Variants in CYB561 observed in about 807,000 individuals in gnomAD.
CYB561 encodes the protein cytochrome b561.
CYB561 carries 11 observed loss-of-function variants against 25.3 expected under a neutral mutation model. That is an observed-to-expected ratio of 0.44 (90% CI 0.27 to 0.72). The LOEUF is 0.72. Among genes scored for constraint, CYB561 ranks in the 30% least tolerant of loss-of-function variants. The probability of loss-of-function intolerance (pLI) is 0.18; values close to 1 mark genes in which losing one functional copy is unlikely to be tolerated. For synonymous variants in CYB561, 165 were observed against 158.8 expected (o/e 1.04, Z -0.29); for missense variants, 295 against 334.9 (o/e 0.88, Z 0.93).
At chr17:63,435,443 T>C in intron 4 of CYB561, 200 bp from the exon 5 acceptor site, 2 of 680,820 alleles carry the variant, frequency 2.9e-6, no homozygotes, top group South Asian at 1.9e-5. Flanking sequence ...GCTTGAGGCC[T>C]TGGCACACTC....
chr17:63,446,576 G>T (rs1272489830), upstream of CYB561, among the ~76,000 whole-genome samples: 1 of 152,048 alleles, frequency 6.6e-6, no homozygotes, highest in Non-Finnish European at 1.5e-5. Context: ...TGGAGGGCCG[G>T]GAGCTCCCCC....
chr17:63,437,969 G>GCCCCCCCCCCCCCCC, intron 1 of CYB561: 1 of 676,964 alleles, frequency 1.5e-6, no homozygotes, highest in Non-Finnish European at 2.3e-6. Flanking sequence ...CTCCCACGGC[G>GCCCCCCCCCCCCCCC]GCCCCGCCAC....
chr17:63,444,052 C>T (rs1403088504), intron 1 of CYB561, among the ~76,000 whole-genome samples: 1 of 151,764 alleles, frequency 6.6e-6, no homozygotes, highest in East Asian at 1.9e-4. Flanking sequence ...GGCAAGATCT[C>T]GGGTCACCGC....
chr17:63,435,277 G>A (rs1339346098), intron 4 of CYB561, 34 bp from the exon 5 acceptor site: 2 of 1,604,222 alleles, frequency 1.2e-6, no homozygotes, highest in Admixed American at 3.4e-5. Context: ...CCGGGACAGG[G>A]CGGCCGGACA....
intron 2 of CYB561, 23 bp downstream of exon 2, chr17:63,437,323 G>A: frequency 6.3e-7 from 1 of 1,595,200 alleles, no homozygotes; most frequent in Non-Finnish European, 8.6e-7. Context: ...CCCGGGAAAA[G>A]AGGAGCGGCC....
Position 63,436,408 on chromosome 17 carries a change from A to G in CYB561, c.203-256T>C, listed in dbSNP as rs1476758251. 2 of 453,492 alleles carry G rather than the reference A, an allele frequency of 4.4e-6. No individual in the cohort carries two copies. Among genetic ancestry groups the G allele is most frequent in the African/African-American group, 4.0e-5 (2 of 50,522 alleles). The allele number at this position is 453,492 out of a possible 1,614,324, so 28.1% of individuals were successfully genotyped here. On this transcript the variant is annotated intron_variant, in intron 2 of 5. Transcript: ENST00000360793. This position sits in a 1 kb window ranked among gnomAD's most constrained non-coding sequence, Gnocchi z 4.8. The stretch of plus-strand genomic sequence containing the variant: ...CTCCAACCTCCCCCAGCTGTGCACA[A>G]AGAGGGCAGGGCCGGAGGCTGCACC...
rs1165667537 is a variant in CYB561 at position 63,437,974 on chromosome 17, C to G, written c.-13-414G>C. 7.7e-6 allele frequency: 5 copies of G among 652,536 alleles called. 1 individual carries two copies. Among genetic ancestry groups the G allele is most frequent in the Non-Finnish European group, 9.7e-6 (4 of 413,440 alleles). The allele number at this position is 652,536 out of a possible 1,614,324, so 40.4% of individuals were successfully genotyped here. On this transcript the variant is annotated intron_variant, in intron 1 of 5. Transcript: ENST00000360793. ...GGCGCGGCTCCTCCCACGGCGGCCCCGCCACCCTCCCCCGAGGCTCCCGCT... is the reference window on the plus strand; with the variant it reads ...GGCGCGGCTCCTCCCACGGCGGCCCGGCCACCCTCCCCCGAGGCTCCCGCT...
intron 5 of CYB561, 145 bp downstream of exon 5, chr17:63,434,941 C>T (rs928715717): frequency 5.9e-5 from 54 of 915,720 alleles, no homozygotes; most frequent in Non-Finnish European, 7.4e-5. Flanking sequence ...CCCCAAGCAC[C>T]CAAATCTTAG....
chr17:63,435,965 C>A, intron 3 of CYB561, 89 bp downstream of exon 3: 1 of 1,606,878 alleles, frequency 6.2e-7, no homozygotes. Context: ...CATCACAGCT[C>A]TGGGGAGGGA....
chr17:63,435,115 G>A lies in CYB561; in HGVS notation c.534C>T (p.Gly178=). Residue 178 remains glycine (G), a synonymous_variant, in exon 5 of 6, where the codon GGC becomes GGT. Coordinates refer to ENST00000360793, the MANE Select transcript of CYB561 (RefSeq NM_001915.4). ...FLLSVGTALL[G]LKEALLFNLG... ...GGTTGAACAGCAGTGCCTCCTTCAG[G>A]CCCAGCAGGGCGGTGCCCACGGAAA... The A allele has an allele frequency of 1.2e-6, 2 of 1,614,052 alleles. No individual in the cohort carries two copies. Among genetic ancestry groups the A allele is most frequent in the East Asian group, 4.5e-5 (2 of 44,878 alleles).
chr17:63,445,253 G>A (rs1451859130), intron 1 of CYB561, among the ~76,000 whole-genome samples: 1 of 152,148 alleles, frequency 6.6e-6, no homozygotes, highest in Non-Finnish European at 1.5e-5. Flanking sequence ...GGACAAGCAG[G>A]GTGGTTCCAC....
chr17:63,446,029 G>A (rs1050106363), intron 1 of CYB561: 2 of 152,344 alleles, frequency 1.3e-5, no homozygotes, highest in Non-Finnish European at 2.9e-5. Flanking sequence ...GACCGGGAGA[G>A]GCTCGGCTCC....
intron 1 of CYB561, among the ~76,000 whole-genome samples, chr17:63,444,105 TC>T (rs1225078823): frequency 1.3e-5 from 2 of 152,142 alleles, no homozygotes; most frequent in Non-Finnish European, 2.9e-5. Flanking sequence ...TGCCTCAGAC[TC>T]CCCGAGTCTG....
chr17:63,444,502 A>G (rs1036592279), intron 1 of CYB561, among the ~76,000 whole-genome samples: 22 of 152,184 alleles, frequency 1.4e-4, no homozygotes, highest in African/African-American at 5.3e-4. Flanking sequence ...TACAAAAACG[A>G]AATCTGGTCC....
At chr17:63,435,647 C>G in intron 4 of CYB561, 41 bp downstream of exon 4, 1 of 1,531,636 alleles carries the variant, frequency 6.5e-7, no homozygotes, top group Non-Finnish European at 9.1e-7. Flanking sequence ...TCCCACCTCC[C>G]TGGTAGGTGG....
intron 4 of CYB561, 82 bp from the exon 5 acceptor site, chr17:63,435,325 GC>G: frequency 6.8e-7 from 1 of 1,477,648 alleles, no homozygotes; most frequent in African/African-American, 1.4e-5. Context: ...ACACCCACGT[GC>G]CCACGTGGCG....
chr17:63,439,072 G>C (rs1272048391), intron 1 of CYB561: 6 of 152,346 alleles, frequency 3.9e-5, no homozygotes, highest in African/African-American at 1.2e-4. Flanking sequence ...CAGAACTAGG[G>C]GGACAGTGGC....
In CYB561 at chr17:63,433,823, G is replaced by A. The variant is rs2049261328; in HGVS notation, c.*579C>T. The A allele has an allele frequency of 1.1e-5, 2 of 175,620 alleles. No individual in the cohort carries two copies. The highest frequency in any genetic ancestry group is 1.2e-5 in the Non-Finnish European group (1 of 84,482). The allele number at this position is 175,620 out of a possible 1,614,324, so 10.9% of individuals were successfully genotyped here. ...AAGAGGAAGGTCAGGACTACAGCTGGGCCACAGCCTCATCTCAGAGCTTCC... is the reference window on the plus strand; with the variant it reads ...AAGAGGAAGGTCAGGACTACAGCTGAGCCACAGCCTCATCTCAGAGCTTCC... On this transcript the variant is annotated 3_prime_UTR_variant, in exon 6 of 6. Coordinates refer to ENST00000360793, the MANE Select transcript of CYB561 (RefSeq NM_001915.4).
chr17:63,437,565 A>G lies in CYB561; in HGVS notation c.-13-5T>C. 6.2e-7 allele frequency: 1 copy of G among 1,601,544 alleles called. No individual in the cohort carries two copies. The highest frequency in any genetic ancestry group is 8.5e-7 in the Non-Finnish European group (1 of 1,178,530). Reference sequence around the variant, plus strand: ...CCCTCCATGCTGAGGCAAACGCTGCAAGAAAGAGCAGAGCTCAGAGGAGCA... The same window carrying G: ...CCCTCCATGCTGAGGCAAACGCTGCGAGAAAGAGCAGAGCTCAGAGGAGCA... On this transcript the variant is annotated splice_polypyrimidine_tract_variant and splice_region_variant and intron_variant, in intron 1 of 5. Transcript: ENST00000360793.
Sources: allele counts gnomAD v4.1 joint callset (sites outside exome capture counted in the v4.1 genomes callset), GRCh38; gene constraint gnomAD v4.1.1; non-coding constraint Gnocchi (gnomAD v3.1); transcripts MANE v1.5; gene names NCBI Gene and HGNC (gene_info 2026-07-23, HGNC 2026-07-21).